Variants in MLLT10 observed in about 807,000 individuals in gnomAD.
MLLT10 encodes protein AF-10.
Under a neutral mutation model 129.1 loss-of-function variants are expected in MLLT10, and 30 were observed. The ratio of observed to expected loss-of-function variants is 0.23; its 90% confidence interval spans 0.17 to 0.32. The LOEUF (loss-of-function observed/expected upper bound fraction) is 0.32, where lower values mean the gene tolerates loss of function less well. Ranked by LOEUF, MLLT10 falls within the 10% of genes least tolerant of loss-of-function variation. The probability of loss-of-function intolerance (pLI) is 1.00; values close to 1 mark genes in which losing one functional copy is unlikely to be tolerated. For missense variants in MLLT10, 1,119 were observed against 1,268.3 expected, an observed-to-expected ratio of 0.88 and a Z score of 1.79; for synonymous variants, 490 against 446.4, an observed-to-expected ratio of 1.10 and a Z score of -1.23.
chr10:21,663,406 C>T (rs2050415368), intron 9 of MLLT10, among the ~76,000 whole-genome samples: 2 of 147,762 alleles, frequency 1.4e-5, no homozygotes, highest in East Asian at 4.0e-4. Context: ...GACGGAGTTT[C>T]ACTCCTGTTG....
intron 8 of MLLT10, chr10:21,625,870 A>G (rs1364270846): frequency 6.4e-6 from 5 of 779,672 alleles, no homozygotes; most frequent in Non-Finnish European, 1.2e-5. Flanking sequence ...GTAGATCCCA[A>G]ATGGGACTGG....
At chr10:21,605,534 TC>T (rs1418150713) in intron 5 of MLLT10, among the ~76,000 whole-genome samples, 1 of 152,102 alleles carries the variant, frequency 6.6e-6, no homozygotes, top group Non-Finnish European at 1.5e-5. Flanking sequence ...AACATCAACC[TC>T]CCGGGTTCAA....
intron 3 of MLLT10, chr10:21,541,189 A>C (rs571518576): frequency 6.6e-6 from 1 of 152,122 alleles, no homozygotes; most frequent in East Asian, 1.9e-4. Context: ...TGGTTGAGTA[A>C]CCTATAAAAA....
chr10:21,706,990 ACTC>A (rs1554857866), intron 13 of MLLT10, among the ~76,000 whole-genome samples: 3 of 151,242 alleles, frequency 2.0e-5, no homozygotes, highest in Non-Finnish European at 4.4e-5. Context: ...TTCTGTATGA[ACTC>A]CTCTTCTAGG....
chr10:21,624,856 C>T (rs533432431), intron 8 of MLLT10: 2 of 1,113,966 alleles, frequency 1.8e-6, no homozygotes, highest in African/African-American at 1.5e-5. Context: ...GCAGGACCCC[C>T]TCTGCCACCC....
At chr10:21,563,266 A>G (rs1400349171) in intron 3 of MLLT10, among the ~76,000 whole-genome samples, 4 of 152,154 alleles carry the variant, frequency 2.6e-5, no homozygotes, top group Admixed American at 6.6e-5. Context: ...GCTCAGGCCT[A>G]TAATCCCAGC....
rs983622946 is a variant in MLLT10, at chr10:21,565,793, A to T, written c.241-20501A>T. Reference sequence around the variant, plus strand: ...GCTGATTTTTTTATTATTTGTAGGGACCAAGTCTTGTTATGTTGCCCAGCC... The same window carrying T: ...GCTGATTTTTTTATTATTTGTAGGGTCCAAGTCTTGTTATGTTGCCCAGCC... On this transcript the variant is annotated intron_variant, in intron 3 of 22. Transcript: ENST00000307729. Among the ~76,000 whole-genome samples the T allele has an allele frequency of 4.0e-5, 6 of 150,916 alleles. No homozygotes were observed. In the Admixed American group the frequency reaches 4.0e-4, roughly 10 times the overall value.
intron 14 of MLLT10, among the ~76,000 whole-genome samples, chr10:21,719,519 G>A (rs1215159671): frequency 6.6e-6 from 1 of 152,138 alleles, no homozygotes; most frequent in African/African-American, 2.4e-5. Flanking sequence ...TCCCAATTAT[G>A]TACTTCTTAT....
chr10:21,569,277 C>A (rs1437490771), intron 3 of MLLT10, among the ~76,000 whole-genome samples: 1 of 151,924 alleles, frequency 6.6e-6, no homozygotes, highest in Non-Finnish European at 1.5e-5. Flanking sequence ...TTTTTTTGAA[C>A]ATGATGTTGC....
chr10:21,706,963 T>A (rs193167486), intron 13 of MLLT10, among the ~76,000 whole-genome samples: 1 of 152,244 alleles, frequency 6.6e-6, no homozygotes, highest in African/African-American at 2.4e-5. Flanking sequence ...TTTCTTCTTA[T>A]CTTACTGGTG....
chr10:21,536,290 T>C (rs1423191449), intron 2 of MLLT10, among the ~76,000 whole-genome samples: 3 of 152,042 alleles, frequency 2.0e-5, no homozygotes, highest in Non-Finnish European at 2.9e-5. Context: ...TTTTAGGGAG[T>C]GAATACAATG....
chr10:21,558,930 A>G (rs1025147297), intron 3 of MLLT10, among the ~76,000 whole-genome samples: 2 of 152,162 alleles, frequency 1.3e-5, no homozygotes, highest in Admixed American at 1.3e-4. Context: ...TAGTCCTTCT[A>G]TATTGTGTTC....
intron 3 of MLLT10, among the ~76,000 whole-genome samples, chr10:21,559,395 A>G (rs994909264): frequency 6.6e-6 from 1 of 152,230 alleles, no homozygotes; most frequent in Non-Finnish European, 1.5e-5. Flanking sequence ...ACATCTTTAT[A>G]TATAGTTTTG....
intron 13 of MLLT10, among the ~76,000 whole-genome samples, chr10:21,712,998 C>CATTT (rs1489567334): frequency 6.6e-6 from 1 of 152,132 alleles, no homozygotes; most frequent in Non-Finnish European, 1.5e-5. Context: ...TAGCTTCCAC[C>CATTT]ATTTCCCACC....
chr10:21,615,450 TC>T (rs2045138422), intron 7 of MLLT10, among the ~76,000 whole-genome samples: 1 of 100,620 alleles, frequency 9.9e-6, no homozygotes, highest in South Asian at 3.3e-4. Context: ...AGAGTGAGAC[TC>T]CGTCTCAAAA....
chr10:21,536,534 G>C (rs1339300334), intron 2 of MLLT10, among the ~76,000 whole-genome samples: 1 of 152,182 alleles, frequency 6.6e-6, no homozygotes, highest in Non-Finnish European at 1.5e-5. Context: ...CACCTATGCT[G>C]TGTTTTTTGA....
At chr10:21,576,099 G>A (rs896535104) in intron 3 of MLLT10, among the ~76,000 whole-genome samples, 1 of 149,678 alleles carries the variant, frequency 6.7e-6, no homozygotes, top group Non-Finnish European at 1.5e-5. Flanking sequence ...GCTAATTTTT[G>A]TATTTTTGGT....
Position 21,537,808 on chromosome 10 carries a change from A to G in MLLT10, c.161-1025A>G, listed in dbSNP as rs575584644. Among the ~76,000 whole-genome samples the G allele has an allele frequency of 3.4e-3, 519 of 152,124 alleles. 5 individuals are homozygous for G. Among genetic ancestry groups the G allele is most frequent in the Non-Finnish European group, 2.1e-3 (146 of 68,006 alleles). On this transcript the variant is annotated intron_variant, in intron 2 of 22. Transcript: ENST00000307729. ...TTAAATGCTTTCCAATATTTAAGAT[A>G]TTTTCATATTTCTGCCTAGCAAGCT...
At chr10:21,609,837 C>G (rs1057483593) in intron 5 of MLLT10, among the ~76,000 whole-genome samples, 2 of 152,012 alleles carry the variant, frequency 1.3e-5, no homozygotes, top group Non-Finnish European at 1.5e-5. Flanking sequence ...TTTGACAAAT[C>G]ATAATTGTGT....
Sources: allele counts gnomAD v4.1 joint callset (sites outside exome capture counted in the v4.1 genomes callset), GRCh38; gene constraint gnomAD v4.1.1; transcripts MANE v1.5; gene names NCBI Gene and HGNC (gene_info 2026-07-23, HGNC 2026-07-21).